NOS1AP: variants seen among roughly 807,000 people sequenced by gnomAD.
NOS1AP encodes nitric oxide synthase 1 adaptor protein.
Under a neutral mutation model 56.2 loss-of-function variants are expected in NOS1AP, and 21 were observed. The ratio of observed to expected loss-of-function variants is 0.37; its 90% CI spans 0.26 to 0.54. NOS1AP has a LOEUF of 0.54. Among genes scored for constraint, NOS1AP ranks in the 20% least tolerant of loss-of-function variants. The pLI, the probability that NOS1AP is intolerant of heterozygous loss-of-function variation, is 0.84. For missense variants in NOS1AP, 522 were observed against 657.8 expected, an observed-to-expected ratio of 0.79 and a Z score of 2.26; for synonymous variants, 270 against 274.6, an observed-to-expected ratio of 0.98 and a Z score of 0.17.
intron 1 of NOS1AP, among the ~76,000 whole-genome samples, chr1:162,077,088 T>G (rs1691785321): frequency 6.6e-6 from 1 of 152,244 alleles, no homozygotes; most frequent in Non-Finnish European, 1.5e-5. Context: ...TATTTTTATT[T>G]TTTAAAATTT....
intron 2 of NOS1AP, among the ~76,000 whole-genome samples, chr1:162,187,608 C>T (rs1393603123): frequency 6.6e-6 from 1 of 152,126 alleles, no homozygotes; most frequent in South Asian, 2.1e-4. Context: ...GTATTATACC[C>T]TCTGAGTATG....
intron 1 of NOS1AP, among the ~76,000 whole-genome samples, chr1:162,109,648 A>C (rs764444586): frequency 3.9e-5 from 6 of 152,272 alleles, no homozygotes; most frequent in Middle Eastern, 3.4e-3. Flanking sequence ...CATTCTTAGC[A>C]TAAATAGGGC....
chr1:162,310,335 G>A (rs989919032), intron 4 of NOS1AP, among the ~76,000 whole-genome samples: 4 of 152,246 alleles, frequency 2.6e-5, no homozygotes, highest in African/African-American at 7.2e-5. Context: ...CTGTAAGGTT[G>A]AGTGTTTTCT....
intron 4 of NOS1AP, among the ~76,000 whole-genome samples, chr1:162,325,122 T>C (rs1656542704): frequency 6.6e-6 from 1 of 152,114 alleles, no homozygotes; most frequent in Non-Finnish European, 1.5e-5. Flanking sequence ...AAATGAGGAA[T>C]GAAGAAGATG....
intron 6 of NOS1AP, 56 bp downstream of exon 6, chr1:162,344,032 C>G: frequency 6.3e-7 from 1 of 1,596,338 alleles, no homozygotes; most frequent in South Asian, 1.1e-5. Context: ...ACAGTAGGCT[C>G]TGGTGGATCA....
chr1:162,319,847 G>A (rs1656355553), intron 4 of NOS1AP, among the ~76,000 whole-genome samples: 1 of 152,112 alleles, frequency 6.6e-6, no homozygotes, highest in Non-Finnish European at 1.5e-5. Context: ...GAACAGTCCT[G>A]TATTAAACTC....
intron 2 of NOS1AP, among the ~76,000 whole-genome samples, chr1:162,273,782 C>T (rs1324793393): frequency 5.3e-5 from 8 of 151,990 alleles, no homozygotes; most frequent in African/African-American, 1.9e-4. Context: ...GAGATACTTT[C>T]AAGTTTTGTG....
chr1:162,293,669 C>T (rs1655346299), intron 3 of NOS1AP, among the ~76,000 whole-genome samples: 1 of 152,234 alleles, frequency 6.6e-6, no homozygotes, highest in Admixed American at 6.5e-5. Flanking sequence ...GCATACAGAG[C>T]AAGCCCTTTA....
At chr1:162,259,978 G>A (rs962157593) in intron 2 of NOS1AP, among the ~76,000 whole-genome samples, 1 of 151,924 alleles carries the variant, frequency 6.6e-6, no homozygotes, top group Non-Finnish European at 1.5e-5. Flanking sequence ...AATTGTTTGG[G>A]TTTTGTCTTC....
chr1:162,289,621 C>A (rs796691150), intron 3 of NOS1AP, among the ~76,000 whole-genome samples: 1 of 151,526 alleles, frequency 6.6e-6, no homozygotes, highest in East Asian at 1.9e-4. Flanking sequence ...ACTACAGGCG[C>A]CCGCCACTAC....
At chr1:162,365,144 G>C in intron 8 of NOS1AP, 17 of 1,408,568 alleles carry the variant, frequency 1.2e-5, no homozygotes, top group South Asian at 1.5e-5. Flanking sequence ...CCTGCCTCTT[G>C]CCCTTGGTAT....
chr1:162,284,810 G>A (rs867395610), intron 2 of NOS1AP, among the ~76,000 whole-genome samples: 15 of 152,208 alleles, frequency 9.9e-5, no homozygotes, highest in Admixed American at 8.5e-4. Context: ...CTCTTGCTAT[G>A]CTCGGGTAAG....
intron 2 of NOS1AP, among the ~76,000 whole-genome samples, chr1:162,247,928 A>G (rs574039092): frequency 1.3e-5 from 2 of 152,246 alleles, no homozygotes; most frequent in Admixed American, 6.5e-5. Flanking sequence ...TTGGATGCCA[A>G]CTTTTCAAAC....
chr1:162,232,758 T>TTATTATGTACC (rs68111337), intron 2 of NOS1AP, among the ~76,000 whole-genome samples: 4 of 151,734 alleles, frequency 2.6e-5, no homozygotes, highest in African/African-American at 4.8e-5. Flanking sequence ...GTTATTTGCT[T>TTATTATGTACC]TATTATGTAC....
At chr1:162,364,874 G>A (rs1571248869) in intron 8 of NOS1AP, 1 of 994,560 alleles carries the variant, frequency 1.0e-6, no homozygotes. Context: ...GTTTGGGTGA[G>A]TGGGAGAGGG....
chr1:162,342,687 A>G (rs1181153872), intron 5 of NOS1AP: 2 of 413,220 alleles, frequency 4.8e-6, no homozygotes, highest in South Asian at 1.9e-5. Flanking sequence ...TAGGTAATGT[A>G]ATACCAGCTA....
chr1:162,147,920 G>A (rs1649548676), intron 1 of NOS1AP, among the ~76,000 whole-genome samples: 1 of 152,098 alleles, frequency 6.6e-6, no homozygotes, highest in African/African-American at 2.4e-5. Context: ...TCTCACAGCA[G>A]GGATTCCTGG....
At chr1:162,101,128 G>A (rs1647239994) in intron 1 of NOS1AP, among the ~76,000 whole-genome samples, 2 of 152,184 alleles carry the variant, frequency 1.3e-5, no homozygotes, top group Admixed American at 6.5e-5. Flanking sequence ...GTGTAAGGAA[G>A]GGGTCCAGTT....
intron 3 of NOS1AP, among the ~76,000 whole-genome samples, chr1:162,300,377 C>T (rs1229989372): frequency 6.6e-6 from 1 of 152,204 alleles, no homozygotes; most frequent in East Asian, 1.9e-4. Context: ...CACTTCACCC[C>T]GAGTTCCCTA....
Sources: allele counts gnomAD v4.1 joint callset (sites outside exome capture counted in the v4.1 genomes callset), GRCh38; gene constraint gnomAD v4.1.1; transcripts MANE v1.5; gene names NCBI Gene and HGNC (gene_info 2026-07-23, HGNC 2026-07-21).